The following EML6 variants were observed in gnomAD, a reference collection of about 807,000 sequenced individuals.
EML6 encodes EMAP like 6.
In EML6, 154 loss-of-function variants were observed where a neutral mutation model predicts 240.1. That is an observed-to-expected ratio of 0.64 (90% CI 0.56 to 0.73). The LOEUF (loss-of-function observed/expected upper bound fraction) is 0.73, where lower values mean the gene tolerates loss of function less well. EML6 is among the 30% of genes least tolerant of loss of function. The probability of loss-of-function intolerance (pLI) is 0.00; values close to 1 mark genes in which losing one functional copy is unlikely to be tolerated. For synonymous variants in EML6, 1,148 were observed against 899.0 expected, an observed-to-expected ratio of 1.28 and a Z score of -4.95; for missense variants, 2,964 against 2,474.6, an observed-to-expected ratio of 1.20 and a Z score of -4.20.
At chr2:54,839,379 A>G (rs188686131) in intron 7 of EML6, among the ~76,000 whole-genome samples, 17 of 152,350 alleles carry the variant, frequency 1.1e-4, no homozygotes, top group Non-Finnish European at 2.1e-4. Flanking sequence ...GTGACCTGGT[A>G]TTGTATCTAT....
At chr2:54,963,658 G>A (rs1676624105) in intron 36 of EML6, among the ~76,000 whole-genome samples, 1 of 152,182 alleles carries the variant, frequency 6.6e-6, no homozygotes, top group African/African-American at 2.4e-5. Flanking sequence ...ATTTATTCAG[G>A]TACTGAGGCT....
chr2:54,928,717 C>T lies in EML6; in HGVS notation c.3970C>T (p.His1324Tyr), dbSNP rs1434794330. 1.9e-6 allele frequency: 3 copies of T among 1,551,874 alleles called. No individual in the cohort carries two copies. The highest frequency in any genetic ancestry group is 2.4e-5 in the South Asian group (2 of 84,036). The change falls in exon 28 of 42, where the codon CAC (histidine) becomes TAC (tyrosine). Residue 1324 changes from histidine to tyrosine, a missense_variant. His to Tyr is a moderately conservative substitution (Grantham distance 83, BLOSUM62 2). Transcript: ENST00000356458. ...SIREMEGTKPHQQLKEVSVEE... is the reference protein window; with the variant it reads ...SIREMEGTKPYQQLKEVSVEE... ...CAGGGAAATGGAAGGCACCAAGCCA[C>T]ACCAGCAGCTGAAGGAAGTTTCCGT...
intron 24 of EML6, among the ~76,000 whole-genome samples, chr2:54,909,565 C>T (rs112057838): frequency 6.6e-6 from 1 of 152,022 alleles, no homozygotes; most frequent in Non-Finnish European, 1.5e-5. Context: ...CCAAGCTAGG[C>T]TGAGCATGGT....
In EML6 at chr2:54,959,006, T is replaced by C. The variant is rs1483363420; in HGVS notation, c.4696-98T>C. The stretch of plus-strand genomic sequence containing the variant: ...AAGAGATCAAACTGCCTAGGCTGTC[T>C]GCATCTCTAGCTCTGGTTCCTTAAT... On this transcript the variant is annotated intron_variant, in intron 33 of 41. Coordinates refer to ENST00000356458, the MANE Select transcript of EML6 (RefSeq NM_001039753.4). The C allele has an allele frequency of 2.6e-6, 3 of 1,169,214 alleles. No individual in the cohort carries two copies. In the African/African-American group the frequency reaches 4.6e-5, roughly 18 times the overall value. 72.4% of individuals were successfully genotyped at this position (1,169,214 alleles called of 1,614,324 possible). A position where few individuals can be genotyped will look rare whatever the true frequency, so the allele number is the denominator to read the frequency against.
Position 54,866,899 on chromosome 2 carries a change from AT to A in EML6, c.2051+16del. On this transcript the variant is annotated intron_variant, in intron 14 of 41. Transcript: ENST00000356458. ...TTCATACACGGGTGGGTGGCCTGTC[AT>A]GGGCGCCCGTATGTGTTCCTCTGTC... 1 of 1,461,028 alleles carries A rather than the reference AT, an allele frequency of 6.8e-7. No homozygotes were observed. The highest frequency in any genetic ancestry group is 9.4e-7 in the Non-Finnish European group (1 of 1,064,898). 90.5% of individuals were successfully genotyped at this position (1,461,028 alleles called of 1,614,324 possible). A position where few individuals can be genotyped will look rare whatever the true frequency, so the allele number is the denominator to read the frequency against.
chr2:54,757,522 A>C (rs1372932013), intron 2 of EML6, among the ~76,000 whole-genome samples: 2 of 152,054 alleles, frequency 1.3e-5, no homozygotes, highest in Admixed American at 1.3e-4. Flanking sequence ...CCAGGAGTAA[A>C]ATGGAGAGAG....
chr2:54,813,125 C>A, intron 2 of EML6, 107 bp from the exon 3 acceptor site: 1 of 798,476 alleles, frequency 1.3e-6, no homozygotes, highest in Non-Finnish European at 2.0e-6. Context: ...GACTCTTTCT[C>A]TTGAGATCAC....
chr2:54,760,392 A>G (rs1481391742), intron 2 of EML6, among the ~76,000 whole-genome samples: 1 of 152,126 alleles, frequency 6.6e-6, no homozygotes. Flanking sequence ...ATTTCTTTAC[A>G]TAAATTCCCC....
At chr2:54,846,109 C>T (rs1001352377) in intron 8 of EML6, among the ~76,000 whole-genome samples, 9 of 152,128 alleles carry the variant, frequency 5.9e-5, no homozygotes, top group Admixed American at 2.0e-4. Flanking sequence ...CCTCGTTTGC[C>T]ACTTCTCCAG....
At chr2:54,787,569 A>C (rs922241557) in intron 2 of EML6, among the ~76,000 whole-genome samples, 1 of 152,168 alleles carries the variant, frequency 6.6e-6, no homozygotes, top group African/African-American at 2.4e-5. Context: ...ATAATGTGTA[A>C]AGTACCGCAT....
intron 16 of EML6, among the ~76,000 whole-genome samples, chr2:54,872,601 T>C (rs959441056): frequency 2.6e-5 from 4 of 152,306 alleles, no homozygotes; most frequent in South Asian, 2.1e-4. Flanking sequence ...GTTGGCTGAC[T>C]CATTGTGGAG....
intron 2 of EML6, among the ~76,000 whole-genome samples, chr2:54,789,530 A>G (rs60940500): frequency 1.3e-4 from 17 of 133,870 alleles, no homozygotes; most frequent in South Asian, 4.6e-4. Context: ...AAAAAAAAAA[A>G]AAAAAAAAAA....
intron 41 of EML6, among the ~76,000 whole-genome samples, 157 bp downstream of exon 41, chr2:54,968,925 AC>A (rs1479846399): frequency 3.9e-5 from 6 of 152,174 alleles, no homozygotes; most frequent in African/African-American, 1.4e-4. Flanking sequence ...GAAGGCAAGT[AC>A]TTTCCAAGAT....
At chr2:54,888,921 T>G (rs575244434) in intron 17 of EML6, among the ~76,000 whole-genome samples, 4 of 152,232 alleles carry the variant, frequency 2.6e-5, no homozygotes, top group South Asian at 2.1e-4. Flanking sequence ...ATGCTTAGTT[T>G]TGTGAGAAAT....
chr2:54,848,072 C>T (rs1572996233), intron 9 of EML6, among the ~76,000 whole-genome samples: 1 of 151,966 alleles, frequency 6.6e-6, no homozygotes, highest in Non-Finnish European at 1.5e-5. Flanking sequence ...TGTAGTAAGC[C>T]AAGAAAAGAG....
intron 25 of EML6, among the ~76,000 whole-genome samples, chr2:54,915,652 A>G (rs1354962958): frequency 2.6e-5 from 4 of 152,158 alleles, no homozygotes; most frequent in African/African-American, 9.7e-5. Flanking sequence ...GGGACTAACA[A>G]ATGTATAGCA....
rs190588167 is a variant in EML6, at chr2:54,960,221, A to T, written c.4855A>T (p.Thr1619Ser). Residue 1619 changes from threonine (T) to serine (S), a missense_variant and splice_region_variant, in exon 35 of 42, where the codon ACC (threonine) becomes TCC (serine). Transcript: ENST00000356458. ...TGAGTCCCTTTCAATCTTTTTTAGG[A>T]CCAAAGAAGGAGGTGCTGTAAAATT... ...LIVTGGKERP[T>S]KEGGAVKLWD... The T allele has an allele frequency of 1.7e-5, 27 of 1,550,090 alleles. No individual in the cohort carries two copies. In the East Asian group the frequency reaches 6.6e-4, roughly 38 times the overall value.
At chr2:54,828,898 C>T (rs1487863656) in intron 6 of EML6, among the ~76,000 whole-genome samples, 1 of 152,212 alleles carries the variant, frequency 6.6e-6, no homozygotes, top group Non-Finnish European at 1.5e-5. Context: ...TGTGAGCTCA[C>T]TGAGGTACAT....
rs1346602373 is a variant in EML6, at chr2:54,950,864, G to A, written c.4213+85G>A. ...ACTCTTTAGATGCCCAAAAGCTTAAGCATTTTCCTTCCCTTATAGAGCCAT... is the reference window on the plus strand; with the variant it reads ...ACTCTTTAGATGCCCAAAAGCTTAAACATTTTCCTTCCCTTATAGAGCCAT... On this transcript the variant is annotated intron_variant, in intron 30 of 41. Coordinates refer to ENST00000356458, the MANE Select transcript of EML6 (RefSeq NM_001039753.4). 1.5e-5 allele frequency: 21 copies of A among 1,394,160 alleles called. No homozygotes were observed. In the East Asian group the frequency reaches 5.0e-4, roughly 33 times the overall value. 86.4% of individuals were successfully genotyped at this position (1,394,160 alleles called of 1,614,324 possible).
Sources: gnomAD v4.1 joint callset for allele counts (sites outside exome capture counted in the v4.1 genomes callset) on GRCh38, gnomAD v4.1.1 for gene constraint, MANE v1.5 for transcripts, NCBI Gene and HGNC (gene_info 2026-07-23, HGNC 2026-07-21) for gene names.